SUMF1: variants seen among roughly 807,000 people sequenced by gnomAD.
The protein encoded by SUMF1 is formylglycine-generating enzyme.
A neutral mutation model predicts 47.6 loss-of-function variants in SUMF1; 48 were observed. The observed-to-expected ratio is 1.01, with a 90% CI of 0.80 to 1.28. The LOEUF (loss-of-function observed/expected upper bound fraction) is 1.28, where lower values mean the gene tolerates loss of function less well. SUMF1 is among the 50% of genes most tolerant of loss of function. The pLI is 0.00. For synonymous variants in SUMF1, 230 were observed against 192.1 expected, an observed-to-expected ratio of 1.20 and a Z score of -1.63; for missense variants, 571 against 485.4, an observed-to-expected ratio of 1.18 and a Z score of -1.66.
chr3:4,146,034 C>T (rs1185669039), intron 8 of SUMF1, among the ~76,000 whole-genome samples: 1 of 152,126 alleles, frequency 6.6e-6, no homozygotes, highest in African/African-American at 2.4e-5. Flanking sequence ...ACTGTGAAGC[C>T]CCATTTATTC....
rs914490176 is a variant in SUMF1, at chr3:4,342,524, C to T, written c.1014+33806G>A. Among the ~76,000 whole-genome samples, 6 of 152,156 alleles carry T rather than the reference C, an allele frequency of 3.9e-5. No homozygotes were observed. The East Asian group carries it at 1.2e-3, about 29-fold the overall frequency. Reference sequence around the variant, plus strand: ...CTCCAGCCTGGGCAACAGAGTGAGACTCTGTCTCAAAAAATATATAATAAC... The same window carrying T: ...CTCCAGCCTGGGCAACAGAGTGAGATTCTGTCTCAAAAAATATATAATAAC... On this transcript the variant is annotated intron_variant and NMD_transcript_variant, in intron 8 of 12. Coordinates refer to the SUMF1 transcript ENST00000448413.
At chr3:4,148,508 T>C (rs1391100705) in intron 8 of SUMF1, among the ~76,000 whole-genome samples, 1 of 152,164 alleles carries the variant, frequency 6.6e-6, no homozygotes, top group Non-Finnish European at 1.5e-5. Context: ...ATTTTCTTAT[T>C]CCCCTTCCTA....
chr3:4,339,866 C>T (rs1245681223), intron 8 of SUMF1, among the ~76,000 whole-genome samples: 2 of 152,086 alleles, frequency 1.3e-5, no homozygotes, highest in Non-Finnish European at 2.9e-5. Context: ...TGCTTCAGCC[C>T]AGGAGTTCAA....
chr3:4,048,700 C>T (rs1695050381), intron 9 of SUMF1, among the ~76,000 whole-genome samples: 1 of 152,168 alleles, frequency 6.6e-6, no homozygotes, highest in Non-Finnish European at 1.5e-5. Flanking sequence ...ATCCCCAACA[C>T]TTGACAAATA....
chr3:4,420,277 A>C, intron 3 of SUMF1, 131 bp from the exon 4 acceptor site: 5 of 731,694 alleles, frequency 6.8e-6, no homozygotes, highest in Non-Finnish European at 1.2e-5. Context: ...TACATTTGCC[A>C]GAATACCAAA....
chr3:4,451,094 A>G (rs1040992218), intron 2 of SUMF1, among the ~76,000 whole-genome samples: 1 of 114,310 alleles, frequency 8.7e-6, no homozygotes, highest in African/African-American at 4.0e-5. Flanking sequence ...TCAATAAAAA[A>G]ATAAAATAAA....
At chr3:4,303,197 T>C (rs1163598933) in intron 8 of SUMF1, 1 of 566,442 alleles carries the variant, frequency 1.8e-6, no homozygotes, top group East Asian at 3.5e-5. Flanking sequence ...CTGGCTGAAA[T>C]CAAAACGGGA....
intron 8 of SUMF1, among the ~76,000 whole-genome samples, chr3:4,365,854 C>T (rs1317531137): frequency 6.6e-6 from 1 of 152,014 alleles, no homozygotes; most frequent in East Asian, 1.9e-4. Flanking sequence ...GTGGCTGGTA[C>T]CGGTTGTTCC....
intron 3 of SUMF1, among the ~76,000 whole-genome samples, chr3:4,432,062 G>A (rs1702250508): frequency 6.6e-6 from 1 of 151,762 alleles, no homozygotes; most frequent in Non-Finnish European, 1.5e-5. Context: ...TCCCTTTCTA[G>A]GTTCCCAGGG....
At chr3:4,295,121 G>A (rs2125058575) in intron 8 of SUMF1, among the ~76,000 whole-genome samples, 1 of 152,230 alleles carries the variant, frequency 6.6e-6, no homozygotes, top group East Asian at 1.9e-4. Flanking sequence ...TTGGGCAACT[G>A]AGTAAAATTT....
downstream of SUMF1, among the ~76,000 whole-genome samples, chr3:4,357,577 TTTTATTTATTTA>T (rs58387595): frequency 4.5e-3 from 624 of 138,782 alleles, 4 homozygotes; most frequent in African/African-American, 0.013. Context: ...CCCAACCAAC[TTTTATTTATTTA>T]TTTATTTATT....
intron 8 of SUMF1, among the ~76,000 whole-genome samples, chr3:4,073,532 C>G (rs908099954): frequency 6.6e-6 from 1 of 152,134 alleles, no homozygotes; most frequent in South Asian, 2.1e-4. Context: ...TTAAAAGACA[C>G]AGACTGGCAA....
rs749445028 is a variant in SUMF1, at chr3:4,467,207, G to A, written c.39C>T (p.Cys13=). 3.1e-6 allele frequency: 5 copies of A among 1,611,682 alleles called. No individual in the cohort carries two copies. The South Asian group carries it at 3.3e-5, about 11-fold the overall frequency. Residue 13 remains cysteine, a synonymous_variant, in exon 1 of 9, where the codon TGC becomes TGT. Coordinates refer to ENST00000272902, the MANE Select transcript of SUMF1 (RefSeq NM_182760.4). ...GCAAGAGGACGAGACCCAGCTCAGG[G>A]CAACGTCCACACACCAGCCCTAGTG... The part of the protein sequence containing the change: ...APALGLVCGR[C]PELGLVLLLL...
At chr3:4,312,967 ATT>A in intron 8 of SUMF1, 12 of 1,613,974 alleles carry the variant, frequency 7.4e-6, no homozygotes, top group Non-Finnish European at 1.0e-5. Flanking sequence ...TCCCGGATGC[ATT>A]TGTGTCAAAA....
intron 8 of SUMF1, among the ~76,000 whole-genome samples, chr3:4,093,461 A>T (rs1204176850): frequency 6.6e-6 from 1 of 152,100 alleles, no homozygotes; most frequent in African/African-American, 2.4e-5. Flanking sequence ...CAAGCACCTA[A>T]CAGTGGTTGG....
At chr3:4,259,008 C>T (rs1443470393) in intron 8 of SUMF1, among the ~76,000 whole-genome samples, 4 of 149,388 alleles carry the variant, frequency 2.7e-5, no homozygotes, top group South Asian at 4.2e-4. Flanking sequence ...TAAACTATCG[C>T]AAGAACAAAA....
intron 1 of SUMF1, among the ~76,000 whole-genome samples, chr3:4,459,673 C>T (rs1458379390): frequency 6.6e-6 from 1 of 152,188 alleles, no homozygotes; most frequent in Non-Finnish European, 1.5e-5. Flanking sequence ...ACATCCCCTA[C>T]TCCCAATATT....
chr3:4,447,605 T>C (rs918477926), intron 3 of SUMF1, among the ~76,000 whole-genome samples: 2 of 151,926 alleles, frequency 1.3e-5, no homozygotes, highest in African/African-American at 4.8e-5. Flanking sequence ...GTGCAGTGAA[T>C]GAAGGTAAGT....
chr3:4,174,281 A>G (rs908718948), intron 8 of SUMF1, among the ~76,000 whole-genome samples: 2 of 148,328 alleles, frequency 1.3e-5, no homozygotes, highest in African/African-American at 2.5e-5. Flanking sequence ...GCATGACCCC[A>G]GGAGGCGGAG....
Sources: gnomAD v4.1 joint callset for allele counts (sites outside exome capture counted in the v4.1 genomes callset) on GRCh38, gnomAD v4.1.1 for gene constraint, MANE v1.5 for transcripts, NCBI Gene and HGNC (gene_info 2026-07-23, HGNC 2026-07-21) for gene names.